The following PLEKHA7 variants were observed in gnomAD, a reference collection of about 807,000 sequenced individuals.
PLEKHA7 encodes the protein pleckstrin homology domain containing A7.
A neutral mutation model predicts 170.0 loss-of-function variants in PLEKHA7; 104 were observed. That is an observed-to-expected ratio of 0.61 (90% CI 0.52 to 0.72). PLEKHA7 has a LOEUF of 0.72. Ranked by LOEUF, PLEKHA7 falls within the 30% of genes least tolerant of loss-of-function variation. The pLI is 0.00. For missense variants in PLEKHA7, 1,615 were observed against 1,671.7 expected (o/e 0.97, Z 0.59); for synonymous variants, 648 against 660.8 (o/e 0.98, Z 0.30).
intron 3 of PLEKHA7, among the ~76,000 whole-genome samples, chr11:16,932,743 AC>A (rs1860031895): frequency 6.6e-6 from 1 of 152,214 alleles, no homozygotes; most frequent in Non-Finnish European, 1.5e-5. Context: ...AAGAAACCAA[AC>A]TGTGATATGT....
At position 16,826,489 on chromosome 11, in the gene PLEKHA7, G is replaced by A; in HGVS notation, c.974C>T (p.Pro325Leu). Residue 325 changes from proline (P) to leucine (L), a missense_variant, in exon 10 of 27, where the codon CCT (proline) becomes CTT (leucine). By Grantham distance (98) the Pro-to-Leu change is moderately conservative (BLOSUM62 -3). Transcript: ENST00000531066. The stretch of plus-strand genomic sequence containing the variant: ...GACAATGTCATCATGGCCACGATGA[G>A]GACAATCTCTCGTATGTCCGGGTCC... ...RVGPGHTRDC[P>L]HRGHDDIVNF... is the part of the protein sequence containing the mutation. 6.2e-7 allele frequency: 1 copy of A among 1,614,226 alleles called. No individual in the cohort carries two copies. Among genetic ancestry groups the A allele is most frequent in the Non-Finnish European group, 8.5e-7 (1 of 1,180,048 alleles).
intron 3 of PLEKHA7, among the ~76,000 whole-genome samples, chr11:17,002,317 T>C (rs911849981): frequency 1.3e-5 from 2 of 152,136 alleles, no homozygotes; most frequent in South Asian, 2.1e-4. Context: ...GGCGGGGGCA[T>C]TGCTTGAGCC....
At chr11:16,914,124 G>GT (rs1858460464) in intron 3 of PLEKHA7, among the ~76,000 whole-genome samples, 1 of 151,898 alleles carries the variant, frequency 6.6e-6, no homozygotes, top group Non-Finnish European at 1.5e-5. Context: ...ACATGATATC[G>GT]TAAGTGCATA....
At chr11:16,897,284 C>T (rs990477571) in intron 3 of PLEKHA7, among the ~76,000 whole-genome samples, 2 of 152,320 alleles carry the variant, frequency 1.3e-5, no homozygotes, top group African/African-American at 4.8e-5. Context: ...ACAGAACAGA[C>T]ATCCAGGTGG....
intron 3 of PLEKHA7, among the ~76,000 whole-genome samples, chr11:16,895,898 A>G (rs890638241): frequency 6.6e-6 from 1 of 152,210 alleles, no homozygotes; most frequent in East Asian, 1.9e-4. Context: ...AAAATTGATT[A>G]AGAGAGAAAC....
chr11:17,006,259 C>T (rs1864983010), intron 3 of PLEKHA7, among the ~76,000 whole-genome samples: 1 of 145,962 alleles, frequency 6.9e-6, no homozygotes, highest in Non-Finnish European at 1.5e-5. Context: ...ACAAGGGAAG[C>T]GGAGGTTGCA....
At chr11:16,946,476 T>C (rs185115199) in intron 3 of PLEKHA7, among the ~76,000 whole-genome samples, 24 of 152,160 alleles carry the variant, frequency 1.6e-4, no homozygotes, top group Non-Finnish European at 8.8e-5. Context: ...TCACAGAATA[T>C]TTTTAGGGTT....
intron 9 of PLEKHA7, 128 bp from the exon 10 acceptor site, chr11:16,826,718 A>C: frequency 1.2e-6 from 1 of 822,414 alleles, no homozygotes; most frequent in Non-Finnish European, 1.9e-6. Flanking sequence ...TTTCATGCTC[A>C]TGTCCTCACT....
chr11:16,789,635 A>C lies in PLEKHA7; in HGVS notation c.3156+140T>G, dbSNP rs1449141508. ...TGCCCTCCTTGGTGGACAGTGGGTG[A>C]CAGGGAGCTCAGGAGGGGCTGAGGC... On this transcript the variant is annotated intron_variant, in intron 22 of 26. Transcript: ENST00000531066. The surrounding 1 kb of genome is among the most constrained non-coding windows in gnomAD (Gnocchi z 4.6). 1 of 698,192 alleles carries C rather than the reference A, an allele frequency of 1.4e-6. No homozygotes were observed. The highest frequency in any genetic ancestry group is 1.9e-5 in the South Asian group (1 of 52,958). The allele number at this position is 698,192 out of a possible 1,614,324, so 43.2% of individuals were successfully genotyped here.
Position 16,789,250 on chromosome 11 carries a change from C to T in PLEKHA7, c.3203G>A (p.Arg1068Gln), listed in dbSNP as rs138998014. 9.9e-6 allele frequency: 16 copies of T among 1,613,698 alleles called. No individual in the cohort carries two copies. Among genetic ancestry groups the T allele is most frequent in the Admixed American group, 3.3e-5 (2 of 60,024 alleles). ...CTGCTCCTCTGCACTCATCTTGCCTCGCTGGTGATCCCCTGAGTACAGGCG... is the reference window on the plus strand; with the variant it reads ...CTGCTCCTCTGCACTCATCTTGCCTTGCTGGTGATCCCCTGAGTACAGGCG... ...LERLYSGDHQ[R>Q]GKMSAEEQLE... is the part of the protein sequence containing the mutation. Residue 1068 changes from arginine (R) to glutamine (Q), a missense_variant, in exon 23 of 27, where the codon CGA (arginine) becomes CAA (glutamine). Coordinates refer to ENST00000531066, the MANE Select transcript of PLEKHA7 (RefSeq NM_001329630.2). The surrounding 1 kb of genome is among the most constrained non-coding windows in gnomAD (Gnocchi z 4.6).
intron 8 of PLEKHA7, among the ~76,000 whole-genome samples, chr11:16,844,345 G>A (rs934081230): frequency 1.3e-5 from 2 of 152,174 alleles, no homozygotes; most frequent in Non-Finnish European, 2.9e-5. Context: ...CAAACCAGAA[G>A]GTGCTGTGCC....
intron 3 of PLEKHA7, among the ~76,000 whole-genome samples, chr11:16,891,455 G>A (rs920134351): frequency 6.6e-6 from 1 of 152,120 alleles, no homozygotes; most frequent in East Asian, 1.9e-4. Context: ...TTTGATTTTC[G>A]ACTTCTTGTC....
At chr11:16,935,500 G>A (rs1860225745) in intron 3 of PLEKHA7, among the ~76,000 whole-genome samples, 1 of 152,148 alleles carries the variant, frequency 6.6e-6, no homozygotes, top group African/African-American at 2.4e-5. Flanking sequence ...GCTATTCTCT[G>A]GTGTCCTTTT....
chr11:16,962,285 G>A (rs1248080900), intron 3 of PLEKHA7, among the ~76,000 whole-genome samples: 2 of 152,188 alleles, frequency 1.3e-5, no homozygotes, highest in African/African-American at 4.8e-5. Context: ...TTATCACAGT[G>A]TCCACCTGAT....
At chr11:16,871,248 C>A in intron 3 of PLEKHA7, 66 bp from the exon 4 acceptor site, 3 of 1,298,356 alleles carry the variant, frequency 2.3e-6, no homozygotes, top group Non-Finnish European at 3.3e-6. Flanking sequence ...CACGACAGGT[C>A]AGTCAGCAAT....
rs1847840513 is a variant in PLEKHA7, at chr11:16,791,321, A to T, written c.2746-122T>A. On this transcript the variant is annotated intron_variant, in intron 19 of 26. Transcript: ENST00000531066. The surrounding 1 kb of genome is among the most constrained non-coding windows in gnomAD (Gnocchi z 4.5). ...GGCCACATCAGAGCCACAGAACATG[A>T]CTGCCTCAGCCAAGGAGCACTCACA... 1.1e-6 allele frequency: 1 copy of T among 949,812 alleles called. No homozygotes were observed. Among genetic ancestry groups the T allele is most frequent in the Non-Finnish European group, 1.6e-6 (1 of 642,450 alleles). The allele number at this position is 949,812 out of a possible 1,614,324, so 58.8% of individuals were successfully genotyped here.
At chr11:16,874,278 G>C (rs79029924) in intron 3 of PLEKHA7, among the ~76,000 whole-genome samples, 3 of 152,076 alleles carry the variant, frequency 2.0e-5, no homozygotes, top group Non-Finnish European at 4.4e-5. Flanking sequence ...AGGCTGGGGC[G>C]GGTGAATCAC....
chr11:16,794,827 AC>A, intron 18 of PLEKHA7, 82 bp downstream of exon 18: 1 of 1,412,718 alleles, frequency 7.1e-7, no homozygotes, highest in Non-Finnish European at 1.0e-6. Context: ...GGGCCATCCC[AC>A]CCACCTGGTT....
chr11:16,914,877 G>T (rs1427124898), intron 3 of PLEKHA7, among the ~76,000 whole-genome samples: 2 of 152,128 alleles, frequency 1.3e-5, no homozygotes, highest in Non-Finnish European at 2.9e-5. Flanking sequence ...CTTGTCACTT[G>T]ACCCCAAGAC....
Sources: gnomAD v4.1 joint callset for allele counts (sites outside exome capture counted in the v4.1 genomes callset) on GRCh38, gnomAD v4.1.1 for gene constraint, Gnocchi (gnomAD v3.1) non-coding constraint, MANE v1.5 for transcripts, NCBI Gene and HGNC (gene_info 2026-07-23, HGNC 2026-07-21) for gene names.